The following ATCAY variants were observed in gnomAD, a reference collection of about 807,000 sequenced individuals.
ATCAY encodes ATCAY kinesin light chain interacting caytaxin, also known as caytaxin.
ATCAY carries 22 observed loss-of-function variants against 47.7 expected under a neutral mutation model. The observed-to-expected ratio is 0.46, with a 90% CI of 0.33 to 0.66. ATCAY has a LOEUF of 0.66. Ranked by LOEUF, ATCAY falls within the 30% of genes least tolerant of loss-of-function variation. The probability of loss-of-function intolerance (pLI) is 0.02; values close to 1 mark genes in which losing one functional copy is unlikely to be tolerated. For synonymous variants in ATCAY, 216 were observed against 207.6 expected (o/e 1.04, Z -0.35); for missense variants, 452 against 515.0 (o/e 0.88, Z 1.18).
At chr19:3,910,717 C>A (rs767922336) in intron 7 of ATCAY, 86 bp from the exon 8 acceptor site, 21 of 1,349,380 alleles carry the variant, frequency 1.6e-5, no homozygotes, top group Non-Finnish European at 2.2e-5. Context: ...CGAATGCTTG[C>A]TTGTGGCTCT....
At chr19:3,895,491 A>G (rs964706702) in intron 2 of ATCAY, among the ~76,000 whole-genome samples, 1 of 151,978 alleles carries the variant, frequency 6.6e-6, no homozygotes, top group African/African-American at 2.4e-5. Flanking sequence ...CTGGGATTAC[A>G]GGTGTGAGCC....
rs1160419030 is a variant in ATCAY at position 3,916,974 on chromosome 19, A to C, written c.966-768A>C. Among the ~76,000 whole-genome samples, 3 of 149,294 alleles carry C rather than the reference A, an allele frequency of 2.0e-5. No homozygotes were observed. In the East Asian group the frequency reaches 6.1e-4, roughly 30 times the overall value. On this transcript the variant is annotated intron_variant, in intron 9 of 12. Transcript: ENST00000450849. Reference sequence around the variant, plus strand: ...AGGCACCTGCCACCACGCCCAGCTAATTTTTGTATTTTTAGTAGAGATAGG... The same window carrying C: ...AGGCACCTGCCACCACGCCCAGCTACTTTTTGTATTTTTAGTAGAGATAGG...
In ATCAY at chr19:3,926,959, G is replaced by A. The variant is rs765272412; in HGVS notation, c.*2367G>A. On this transcript the variant is annotated 3_prime_UTR_variant, in exon 13 of 13. Coordinates refer to ENST00000450849, the MANE Select transcript of ATCAY (RefSeq NM_033064.5). ...AAAGTGGCTGGGTACGGTGGCTCAC[G>A]CCTATAATCCCAGCACTTTGGGAGA... is the stretch of plus-strand genomic sequence containing the variant. 8 of 152,338 alleles carry A rather than the reference G, an allele frequency of 5.3e-5. No individual in the cohort carries two copies. Among genetic ancestry groups the A allele is most frequent in the Non-Finnish European group, 8.8e-5 (6 of 68,054 alleles). 9.4% of individuals were successfully genotyped at this position (152,338 alleles called of 1,614,324 possible).
intron 11 of ATCAY, among the ~76,000 whole-genome samples, chr19:3,919,276 A>C (rs942537233): frequency 2.0e-5 from 3 of 149,084 alleles, no homozygotes; most frequent in Non-Finnish European, 4.4e-5. Context: ...ATCTCAAAAA[A>C]ATAAATAAAC....
At chr19:3,881,219 C>A (rs2038595854) in intron 1 of ATCAY, among the ~76,000 whole-genome samples, 1 of 151,968 alleles carries the variant, frequency 6.6e-6, no homozygotes, top group African/African-American at 2.4e-5. Flanking sequence ...CACAGTTTAC[C>A]TTCCGCGCGC....
intron 3 of ATCAY, among the ~76,000 whole-genome samples, chr19:3,903,010 G>A (rs550690786): frequency 6.6e-6 from 1 of 152,106 alleles, no homozygotes; most frequent in Non-Finnish European, 1.5e-5. Flanking sequence ...GTCACACTCT[G>A]TCATCCAGGC....
intron 2 of ATCAY, among the ~76,000 whole-genome samples, chr19:3,892,200 TTTTAA>T (rs2038724308): frequency 6.7e-6 from 1 of 149,674 alleles, no homozygotes. Context: ...GCTTGTAACT[TTTTAA>T]TTTTTTTTTT....
chr19:3,890,873 G>A (rs920948352), intron 2 of ATCAY, among the ~76,000 whole-genome samples: 2 of 152,110 alleles, frequency 1.3e-5, no homozygotes, highest in Non-Finnish European at 2.9e-5. Flanking sequence ...GAACTGAGTC[G>A]GCTCCTCGGT....
At chr19:3,912,189 T>C (rs1415352434) in intron 8 of ATCAY, among the ~76,000 whole-genome samples, 2 of 152,162 alleles carry the variant, frequency 1.3e-5, no homozygotes, top group Non-Finnish European at 2.9e-5. Context: ...TCTGTCACTC[T>C]TCACCGGTCG....
In ATCAY at chr19:3,905,423, T is replaced by C. The variant is rs73919387; in HGVS notation, c.137-11T>C. ...GCAAAGATGTTTTCCATTTTTCTCA[T>C]TTCCCTGCAGCTCCTCCCAACACGC... On this transcript the variant is annotated splice_polypyrimidine_tract_variant and intron_variant, in intron 3 of 12. Transcript: ENST00000450849. 3.4e-3 allele frequency: 5,420 copies of C among 1,584,606 alleles called. 153 individuals are homozygous for C. In the African/African-American group the frequency reaches 0.064, roughly 19 times the overall value.
At chr19:3,887,571 C>T (rs1302032821) in intron 2 of ATCAY, among the ~76,000 whole-genome samples, 5 of 151,250 alleles carry the variant, frequency 3.3e-5, no homozygotes, top group Non-Finnish European at 7.4e-5. Context: ...ACTGCAAGCT[C>T]CGCCTCCCGG....
At chr19:3,897,293 A>G (rs1033068093) in intron 2 of ATCAY, among the ~76,000 whole-genome samples, 8 of 149,136 alleles carry the variant, frequency 5.4e-5, no homozygotes, top group African/African-American at 2.0e-4. Flanking sequence ...AGCAAAATCT[A>G]TATCTATATC....
rs1323208400 is a variant in ATCAY at position 3,910,856 on chromosome 19, G to T, written c.833G>T (p.Arg278Leu). The change falls in exon 8 of 13, where the codon CGG becomes CTG. Residue 278 changes from arginine to leucine, a missense_variant. Arg to Leu is a moderately radical substitution (Grantham distance 102, BLOSUM62 -2). Transcript: ENST00000450849. ...ATCGTCCACCCCTCGTGGTTCATTC[G>T]GACTGTGCTGGCCATCTCTCGCCCT... ...LIIVHPSWFI[R>L]TVLAISRPFI... 1 of 1,613,864 alleles carries T rather than the reference G, an allele frequency of 6.2e-7. No homozygotes were observed. The highest frequency in any genetic ancestry group is 1.3e-5 in the African/African-American group (1 of 74,914).
In ATCAY at chr19:3,907,611, A is replaced by G; in HGVS notation, c.359-123A>G. ...GGGTCAGCAGGGCAGCCAGGTGGGG[A>G]GAAGCGAAGGACTTGTGGGTCCCGG... is the stretch of plus-strand genomic sequence containing the variant. On this transcript the variant is annotated intron_variant, in intron 4 of 12. Coordinates refer to ENST00000450849, the MANE Select transcript of ATCAY (RefSeq NM_033064.5). The surrounding 1 kb of genome is among the most constrained non-coding windows in gnomAD (Gnocchi z 5.1). 8.4e-7 allele frequency: 1 copy of G among 1,184,328 alleles called. No homozygotes were observed. The highest frequency in any genetic ancestry group is 1.2e-6 in the Non-Finnish European group (1 of 838,622). The allele number at this position is 1,184,328 out of a possible 1,614,324, so 73.4% of individuals were successfully genotyped here.
intron 1 of ATCAY, among the ~76,000 whole-genome samples, chr19:3,881,872 C>CT (rs991605970): frequency 4.2e-5 from 6 of 144,468 alleles, no homozygotes; most frequent in African/African-American, 1.1e-4. Flanking sequence ...CACCGCCCCC[C>CT]CCCCGACCCC....
chr19:3,907,750 C>T lies in ATCAY; in HGVS notation c.375C>T (p.Ala125=), dbSNP rs1218801034. ...ELEWEDDTPV[A]TAKNMPGDSA... is the part of the protein sequence containing the mutation. ...TGCTTCTAGACGACACCCCCGTGGC[C>T]ACCGCCAAGAACATGCCCGGGGACA... The change falls in exon 5 of 13, where the codon GCC becomes GCT. Residue 125 remains alanine, a synonymous_variant. Coordinates refer to ENST00000450849, the MANE Select transcript of ATCAY (RefSeq NM_033064.5). The surrounding 1 kb of genome is among the most constrained non-coding windows in gnomAD (Gnocchi z 5.1). The T allele has an allele frequency of 2.5e-6, 4 of 1,614,028 alleles. No individual in the cohort carries two copies. The highest frequency in any genetic ancestry group is 2.2e-5 in the East Asian group (1 of 44,892).
At chr19:3,906,369 C>T (rs2038861308) in intron 4 of ATCAY, among the ~76,000 whole-genome samples, 1 of 144,826 alleles carries the variant, frequency 6.9e-6, no homozygotes, top group African/African-American at 2.6e-5. Context: ...GTGGTGTGAT[C>T]TCAGCTCACT....
chr19:3,898,750 C>T (rs1490833874), intron 2 of ATCAY, among the ~76,000 whole-genome samples: 4 of 152,102 alleles, frequency 2.6e-5, no homozygotes, highest in Admixed American at 6.6e-5. Context: ...GGCGTGACTT[C>T]AGCTCACTGC....
At chr19:3,908,033 C>A (rs558257680) in intron 5 of ATCAY, 114 bp downstream of exon 5, 1 of 1,376,372 alleles carries the variant, frequency 7.3e-7, no homozygotes, top group Non-Finnish European at 1.0e-6. Context: ...CAACTCGCTT[C>A]GGGTGGACGG....
Sources: allele counts gnomAD v4.1 joint callset (sites outside exome capture counted in the v4.1 genomes callset), GRCh38; gene constraint gnomAD v4.1.1; non-coding constraint Gnocchi (gnomAD v3.1); transcripts MANE v1.5; gene names NCBI Gene and HGNC (gene_info 2026-07-23, HGNC 2026-07-21).